Variants in STRN3 observed in about 807,000 individuals in gnomAD.
STRN3 encodes striatin-3.
Under a neutral mutation model 95.6 loss-of-function variants are expected in STRN3, and 29 were observed. That is an observed-to-expected ratio of 0.30 (90% CI 0.23 to 0.41). The LOEUF (loss-of-function observed/expected upper bound fraction) is 0.41, where lower values mean the gene tolerates loss of function less well. Among genes scored for constraint, STRN3 ranks in the 10% least tolerant of loss-of-function variants. The pLI is 1.00. For synonymous variants in STRN3, 331 were observed against 357.6 expected (o/e 0.93, Z 0.84); for missense variants, 890 against 972.1 (o/e 0.92, Z 1.12).
chr14:31,001,465 G>A (rs1232876222), intron 1 of STRN3, among the ~76,000 whole-genome samples: 1 of 151,784 alleles, frequency 6.6e-6, no homozygotes, highest in South Asian at 2.1e-4. Context: ...GAGCCCAGAA[G>A]ATCAAGGTTG....
intron 9 of STRN3, 40 bp from the exon 10 acceptor site, chr14:30,913,697 A>T (rs1263190755): frequency 6.2e-7 from 1 of 1,609,228 alleles, no homozygotes; most frequent in East Asian, 2.2e-5. Flanking sequence ...CTGAAAAATC[A>T]TACAGTACAA....
chr14:30,925,597 G>A (rs1897007838), intron 8 of STRN3, among the ~76,000 whole-genome samples: 1 of 152,062 alleles, frequency 6.6e-6, no homozygotes, highest in South Asian at 2.1e-4. Flanking sequence ...CATTTACATA[G>A]GTAGAATAAG....
chr14:31,020,002 C>T (rs907551788), intron 1 of STRN3, among the ~76,000 whole-genome samples: 11 of 151,640 alleles, frequency 7.3e-5, no homozygotes, highest in African/African-American at 2.4e-4. Context: ...GGATTACAAG[C>T]GTGAGACACC....
chr14:30,926,368 A>G (rs1014432241), intron 8 of STRN3, among the ~76,000 whole-genome samples: 3 of 152,050 alleles, frequency 2.0e-5, no homozygotes, highest in Non-Finnish European at 4.4e-5. Flanking sequence ...ACATTAAGAA[A>G]TAATGAGTTA....
chr14:30,967,243 G>T (rs561513340), intron 1 of STRN3, among the ~76,000 whole-genome samples: 2 of 141,774 alleles, frequency 1.4e-5, no homozygotes, highest in Non-Finnish European at 3.1e-5. Flanking sequence ...GGGCAGGGTG[G>T]GGGGGAAGAG....
intron 1 of STRN3, among the ~76,000 whole-genome samples, chr14:31,008,235 T>C (rs1468649050): frequency 2.0e-5 from 3 of 150,760 alleles, no homozygotes; most frequent in Non-Finnish European, 4.4e-5. Context: ...ATTGGCTGGG[T>C]GCAGTGGCTT....
intron 16 of STRN3, among the ~76,000 whole-genome samples, chr14:30,898,119 G>T (rs190056089): frequency 6.6e-6 from 1 of 152,194 alleles, no homozygotes; most frequent in Admixed American, 6.5e-5. Flanking sequence ...TGGTACTAGA[G>T]GCACACGACA....
chr14:30,948,208 A>G (rs549549807), intron 4 of STRN3, among the ~76,000 whole-genome samples: 1 of 152,350 alleles, frequency 6.6e-6, no homozygotes, highest in Admixed American at 6.5e-5. Context: ...AAAATTATAC[A>G]GAGTCAGAAT....
At chr14:30,958,038 C>T (rs550881156) in intron 1 of STRN3, among the ~76,000 whole-genome samples, 1 of 152,134 alleles carries the variant, frequency 6.6e-6, no homozygotes, top group Non-Finnish European at 1.5e-5. Flanking sequence ...AAAACTGTTA[C>T]CCTAAAAAAA....
chr14:31,026,292 G>C lies in STRN3; in HGVS notation c.-107C>G. 1 of 1,237,920 alleles carries C rather than the reference G, an allele frequency of 8.1e-7. No individual in the cohort carries two copies. Among genetic ancestry groups the C allele is most frequent in the Non-Finnish European group, 1.0e-6 (1 of 961,616 alleles). 76.7% of individuals were successfully genotyped at this position (1,237,920 alleles called of 1,614,324 possible). ...TGCGGGGCGGAGGCCGGCCGGGAGA[G>C]GGGCGGGGAAGGGGTCGTTGCTGTG... is the stretch of plus-strand genomic sequence containing the variant. On this transcript the variant is annotated 5_prime_UTR_variant, in exon 1 of 18. Coordinates refer to ENST00000357479, the MANE Select transcript of STRN3 (RefSeq NM_001083893.2).
At chr14:30,958,138 C>G (rs190646711) in intron 1 of STRN3, among the ~76,000 whole-genome samples, 38 of 152,200 alleles carry the variant, frequency 2.5e-4, no homozygotes, top group Admixed American at 2.4e-3. Flanking sequence ...GACAGCGAGA[C>G]CCTGTTTGTA....
intron 1 of STRN3, among the ~76,000 whole-genome samples, chr14:31,009,089 A>C (rs1215473759): frequency 6.6e-6 from 1 of 152,104 alleles, no homozygotes; most frequent in Non-Finnish European, 1.5e-5. Flanking sequence ...ACACACAAAA[A>C]AATGTAGATC....
chr14:30,946,073 T>G (rs1879345531), intron 5 of STRN3, among the ~76,000 whole-genome samples: 1 of 152,356 alleles, frequency 6.6e-6, no homozygotes, highest in South Asian at 2.1e-4. Context: ...GCTTTGTTTC[T>G]TTCACGCTAG....
intron 6 of STRN3, among the ~76,000 whole-genome samples, chr14:30,935,579 T>C (rs554423891): frequency 1.3e-5 from 2 of 152,338 alleles, no homozygotes; most frequent in South Asian, 2.1e-4. Context: ...CATTCACAGT[T>C]AGTCCTCCAT....
rs548587061 is a variant in STRN3, at chr14:30,909,446, C to A, written c.1720+1595G>T. 3.3e-5 allele frequency among the ~76,000 whole-genome samples: 5 copies of A among 152,156 alleles called. No individual in the cohort carries two copies. In the East Asian group the frequency reaches 5.8e-4, roughly 18 times the overall value. On this transcript the variant is annotated intron_variant, in intron 13 of 17. Transcript: ENST00000357479. ...CCAAGATCACGCCACTGCCCTCCAG[C>A]CTAGGAGACAGAGCAAGACTGTTTC...
Position 30,955,691 on chromosome 14 carries a change from G to T in STRN3, c.389C>A (p.Ala130Glu). 6.3e-7 allele frequency: 1 copy of T among 1,576,334 alleles called. No homozygotes were observed. Among genetic ancestry groups the T allele is most frequent in the Non-Finnish European group, 8.6e-7 (1 of 1,168,772 alleles). Residue 130 changes from alanine to glutamate, a missense_variant and splice_region_variant, in exon 3 of 18, where the codon GCA becomes GAA. Around this residue, in one of 3 missense-constraint regions of STRN3, gnomAD observed 526 missense variants for 526.3 expected, o/e 1.00. Coordinates refer to ENST00000357479, the MANE Select transcript of STRN3 (RefSeq NM_001083893.2). ...MLEYALKQER[A>E]KYHKLKYGTE... ...GCCATATTTTAATTTGTGATATTTTGCCCTGAAAATTTAATCACAAATTAG... is the reference window on the plus strand; with the variant it reads ...GCCATATTTTAATTTGTGATATTTTTCCCTGAAAATTTAATCACAAATTAG...
At chr14:30,924,120 G>A (rs1896950311) in intron 8 of STRN3, among the ~76,000 whole-genome samples, 1 of 149,436 alleles carries the variant, frequency 6.7e-6, no homozygotes, top group East Asian at 2.0e-4. Context: ...TTTCATGACT[G>A]TACTGTGGTC....
chr14:30,957,480 A>AGAG (rs1403371001), intron 1 of STRN3, among the ~76,000 whole-genome samples: 148 of 105,892 alleles, frequency 1.4e-3, no homozygotes, highest in East Asian at 1.5e-3. Flanking sequence ...GAGAGAGAGA[A>AGAG]AAAAGAAAAT....
At chr14:30,916,790 C>G (rs1243442536) in intron 9 of STRN3, among the ~76,000 whole-genome samples, 5 of 152,080 alleles carry the variant, frequency 3.3e-5, no homozygotes, top group East Asian at 3.9e-4. Context: ...AGTAAGATAA[C>G]AATACTAGTA....
Sources: allele counts gnomAD v4.1 joint callset (sites outside exome capture counted in the v4.1 genomes callset), GRCh38; gene constraint gnomAD v4.1.1; regional missense constraint gnomAD v4.1.1; transcripts MANE v1.5; gene names NCBI Gene and HGNC (gene_info 2026-07-23, HGNC 2026-07-21).